The following TBC1D4 variants were observed in gnomAD, a reference collection of about 807,000 sequenced individuals.
The protein encoded by TBC1D4 is TBC1 domain family member 4.
A neutral mutation model predicts 142.5 loss-of-function variants in TBC1D4; 121 were observed. The observed-to-expected ratio is 0.85, with a 90% confidence interval of 0.73 to 0.99. The LOEUF (loss-of-function observed/expected upper bound fraction) is 0.99. Among genes scored for constraint, TBC1D4 ranks in the 50% least tolerant of loss-of-function variants. The pLI is 0.00. For synonymous variants in TBC1D4, 630 were observed against 628.2 expected (o/e 1.00, Z -0.04); for missense variants, 1,475 against 1,606.6 (o/e 0.92, Z 1.40).
chr13:75,317,805 C>T (rs1035851079), intron 12 of TBC1D4, among the ~76,000 whole-genome samples: 4 of 152,198 alleles, frequency 2.6e-5, no homozygotes, highest in Admixed American at 2.0e-4. Flanking sequence ...TATACTCCCT[C>T]TTACCACTCA....
chr13:75,406,315 C>T (rs1228843880), intron 1 of TBC1D4, among the ~76,000 whole-genome samples: 1 of 152,210 alleles, frequency 6.6e-6, no homozygotes, highest in Admixed American at 6.5e-5. Context: ...TACTTAAAAC[C>T]AAGATCACTG....
At position 75,481,844 on chromosome 13, in the gene TBC1D4, C is replaced by A; in HGVS notation, c.-77G>T. ...CCCACTCCCGCGCAGAAGGCGCCGC[C>A]GAAACTGTGCCAACTGCCGCACCGG... On this transcript the variant is annotated 5_prime_UTR_variant, in exon 1 of 21. Transcript: ENST00000377636. 1 of 1,403,190 alleles carries A rather than the reference C, an allele frequency of 7.1e-7. No individual in the cohort carries two copies. The highest frequency in any genetic ancestry group is 9.2e-7 in the Non-Finnish European group (1 of 1,088,570). 86.9% of individuals were successfully genotyped at this position (1,403,190 alleles called of 1,614,324 possible).
chr13:75,347,916 G>T (rs1881283046), intron 5 of TBC1D4, among the ~76,000 whole-genome samples: 1 of 152,170 alleles, frequency 6.6e-6, no homozygotes, highest in African/African-American at 2.4e-5. Flanking sequence ...CAGGAGGATT[G>T]CTTGAGACCA....
chr13:75,358,971 T>C (rs1184528125), intron 3 of TBC1D4, among the ~76,000 whole-genome samples: 1 of 152,180 alleles, frequency 6.6e-6, no homozygotes, highest in Non-Finnish European at 1.5e-5. Flanking sequence ...CAAATTATCT[T>C]TAAAAAGATA....
At chr13:75,350,432 C>G (rs1422553892) in intron 4 of TBC1D4, among the ~76,000 whole-genome samples, 1 of 152,088 alleles carries the variant, frequency 6.6e-6, no homozygotes, top group Non-Finnish European at 1.5e-5. Context: ...TATTCAGTTA[C>G]GTTTTGTTAT....
At chr13:75,329,674 CG>C (rs1387669298) in intron 8 of TBC1D4, among the ~76,000 whole-genome samples, 1 of 152,072 alleles carries the variant, frequency 6.6e-6, no homozygotes, top group Non-Finnish European at 1.5e-5. Context: ...GCACATTCTC[CG>C]GGTGCTTTCT....
At chr13:75,366,701 C>T (rs1593799107) in intron 1 of TBC1D4, among the ~76,000 whole-genome samples, 4 of 151,396 alleles carry the variant, frequency 2.6e-5, no homozygotes, top group Admixed American at 2.0e-4. Flanking sequence ...AAAAATATTG[C>T]TTCTAGATTC....
At chr13:75,376,375 ATT>A (rs71701755) in intron 1 of TBC1D4, among the ~76,000 whole-genome samples, 75 of 128,482 alleles carry the variant, frequency 5.8e-4, no homozygotes, top group African/African-American at 1.9e-3. Context: ...TTCTGGTGAC[ATT>A]TTTTTTTTTT....
In TBC1D4 at chr13:75,324,397, G is replaced by A. The variant is rs760122567; in HGVS notation, c.2038C>T (p.Leu680Phe). Reference sequence around the variant, plus strand: ...TTGTACATGCGTCGAACTGACGAAAGATTGCTGAGTACAGAAAATACAGCA... The same window carrying A: ...TTGTACATGCGTCGAACTGACGAAAAATTGCTGAGTACAGAAAATACAGCA... ...RQSSSEQCSN[L>F]SSVRRMYKES... The change falls in exon 11 of 21, where the codon CTT (leucine) becomes TTT (phenylalanine). Residue 680 changes from leucine (L) to phenylalanine (F), a missense_variant. Physicochemically the swap from Leu to Phe is conservative, Grantham distance 22. Coordinates refer to ENST00000377636, the MANE Select transcript of TBC1D4 (RefSeq NM_014832.5). 2 of 1,613,902 alleles carry A rather than the reference G, an allele frequency of 1.2e-6. No individual in the cohort carries two copies. The highest frequency in any genetic ancestry group is 2.2e-5 in the South Asian group (2 of 91,074).
At chr13:75,457,687 T>C (rs1288914162) in intron 1 of TBC1D4, among the ~76,000 whole-genome samples, 1 of 152,228 alleles carries the variant, frequency 6.6e-6, no homozygotes, top group Non-Finnish European at 1.5e-5. Flanking sequence ...AACTGCCTAA[T>C]CACAAGAAGT....
chr13:75,386,787 C>T (rs193162693), intron 1 of TBC1D4, among the ~76,000 whole-genome samples: 11 of 152,160 alleles, frequency 7.2e-5, no homozygotes, highest in Admixed American at 3.3e-4. Context: ...AACATCTTTC[C>T]GCCATTTCTC....
intron 14 of TBC1D4, among the ~76,000 whole-genome samples, chr13:75,306,704 T>A (rs1382706824): frequency 6.6e-6 from 1 of 152,176 alleles, no homozygotes; most frequent in Non-Finnish European, 1.5e-5. Flanking sequence ...TTACTCTGTA[T>A]CTTACATATG....
chr13:75,384,558 A>T (rs1884060248), intron 1 of TBC1D4, among the ~76,000 whole-genome samples: 1 of 140,018 alleles, frequency 7.1e-6, no homozygotes, highest in Admixed American at 7.3e-5. Context: ...AGAAAAGATA[A>T]AGGAAAAAAA....
In TBC1D4 at chr13:75,404,725, C is replaced by T. The variant is rs1418996889; in HGVS notation, c.499-42118G>A. ...ACTACGGATAATTCTTTTCTTCTAA[C>T]TTATCTAAATCTTTTTTTAAGTATT... On this transcript the variant is annotated intron_variant, in intron 1 of 20. Transcript: ENST00000377636. 3.9e-5 allele frequency among the ~76,000 whole-genome samples: 6 copies of T among 152,142 alleles called. No individual in the cohort carries two copies. In the East Asian group the frequency reaches 1.2e-3, roughly 29 times the overall value.
chr13:75,354,382 G>A (rs1251401394), intron 4 of TBC1D4, among the ~76,000 whole-genome samples: 1 of 152,156 alleles, frequency 6.6e-6, no homozygotes, highest in Admixed American at 6.5e-5. Context: ...TAACACAAGG[G>A]CCCAAGTAAA....
chr13:75,380,171 G>T (rs1023792907), intron 1 of TBC1D4, among the ~76,000 whole-genome samples: 4 of 150,474 alleles, frequency 2.7e-5, no homozygotes, highest in African/African-American at 9.7e-5. Flanking sequence ...GAGCCACCGC[G>T]CCTAGCCTCA....
chr13:75,371,513 T>C (rs1223796214), intron 1 of TBC1D4, among the ~76,000 whole-genome samples: 1 of 152,202 alleles, frequency 6.6e-6, no homozygotes, highest in Non-Finnish European at 1.5e-5. Context: ...CTCTGTAAAA[T>C]AGCAAGCTTG....
chr13:75,434,510 A>C lies in TBC1D4; in HGVS notation c.498+46760T>G, dbSNP rs111806039. On this transcript the variant is annotated intron_variant, in intron 1 of 20. Transcript: ENST00000377636. ...CTACTTGAGGGTGGAGGGCGGGAGG[A>C]GGGAGAGGGGCAGAAAAGATAACTA... Among the ~76,000 whole-genome samples the C allele has an allele frequency of 3.6e-3, 544 of 152,172 alleles. 1 individual carries two copies. Among genetic ancestry groups the C allele is most frequent in the African/African-American group, 0.012 (509 of 41,536 alleles).
chr13:75,313,084 T>C (rs1313534540), intron 12 of TBC1D4, among the ~76,000 whole-genome samples, 186 bp from the exon 13 acceptor site: 1 of 152,066 alleles, frequency 6.6e-6, no homozygotes, highest in African/African-American at 2.4e-5. Context: ...GAAACAGCAA[T>C]CTAGGCCACA....
Sources: gnomAD v4.1 joint callset for allele counts (sites outside exome capture counted in the v4.1 genomes callset) on GRCh38, gnomAD v4.1.1 for gene constraint, MANE v1.5 for transcripts, NCBI Gene and HGNC (gene_info 2026-07-23, HGNC 2026-07-21) for gene names.